PDCD2L: variants seen among roughly 807,000 people sequenced by gnomAD.
The protein encoded by PDCD2L is uS5 assembly chaperone PDCD2L.
PDCD2L carries 44 observed loss-of-function variants against 40.4 expected under a neutral mutation model. That is an observed-to-expected ratio of 1.09 (90% CI 0.86 to 1.40). The LOEUF (loss-of-function observed/expected upper bound fraction) is 1.40, where lower values mean the gene tolerates loss of function less well. Among genes scored for constraint, PDCD2L ranks in the 40% most tolerant of loss-of-function variants. PDCD2L has a pLI of 0.00. For synonymous variants in PDCD2L, 194 were observed against 174.6 expected, an observed-to-expected ratio of 1.11 and a Z score of -0.88; for missense variants, 470 against 453.7, an observed-to-expected ratio of 1.04 and a Z score of -0.33.
At chr19:34,418,622 T>A (rs2075135960) in intron 5 of PDCD2L, among the ~76,000 whole-genome samples, 1 of 152,138 alleles carries the variant, frequency 6.6e-6, no homozygotes, top group Non-Finnish European at 1.5e-5. Context: ...GTTCTGATTT[T>A]GGGGGGGTAG....
In PDCD2L at chr19:34,409,327, A is replaced by G; in HGVS notation, c.503A>G (p.Gln168Arg). 1 of 1,614,096 alleles carries G rather than the reference A, an allele frequency of 6.2e-7. No homozygotes were observed. Among genetic ancestry groups the G allele is most frequent in the South Asian group, 1.1e-5 (1 of 91,066 alleles). Reference sequence around the variant, plus strand: ...GCTCGGCTCCAAGACCTCCGCCTGCAGGATGCTGTCCTGGGTGCTGCCCAT... The same window carrying G: ...GCTCGGCTCCAAGACCTCCGCCTGCGGGATGCTGTCCTGGGTGCTGCCCAT... ...WTARLQDLRL[Q>R]DAVLGAAHPV... Residue 168 changes from glutamine to arginine, a missense_variant, in exon 4 of 7, where the codon CAG becomes CGG. Coordinates refer to ENST00000246535, the MANE Select transcript of PDCD2L (RefSeq NM_032346.2).
chr19:34,419,534 A>C (rs1377361670), intron 5 of PDCD2L, among the ~76,000 whole-genome samples: 1 of 146,776 alleles, frequency 6.8e-6, no homozygotes. Context: ...GTGTCTCACT[A>C]TGTGGCCTAG....
chr19:34,404,961 G>T lies in PDCD2L; in HGVS notation c.307G>T (p.Val103Leu). The stretch of plus-strand genomic sequence containing the variant: ...GGTGTTCCGCTCCCAGTGCCTGCAG[G>T]TGCCAGAGAGAGAGGCGCAGGACGC... ...WKVFRSQCLQ[V>L]PEREAQDAQK... is the part of the protein sequence containing the mutation. Residue 103 changes from valine to leucine, a missense_variant, in exon 3 of 7, where the codon GTG (valine) becomes TTG (leucine). Transcript: ENST00000246535. The T allele has an allele frequency of 6.2e-7, 1 of 1,614,188 alleles. No homozygotes were observed. The highest frequency in any genetic ancestry group is 1.1e-5 in the South Asian group (1 of 91,082).
Position 34,404,414 on chromosome 19 carries a change from C to T in PDCD2L, c.-17C>T. On this transcript the variant is annotated 5_prime_UTR_variant, in exon 1 of 7. Coordinates refer to ENST00000246535, the MANE Select transcript of PDCD2L (RefSeq NM_032346.2). ...AGGCCGCCGTAGTTTGCGTTTTCAC[C>T]TGGTCGCCCGGCGGCCATGGCGGCC... The T allele has an allele frequency of 6.5e-7, 1 of 1,538,810 alleles. No homozygotes were observed. The highest frequency in any genetic ancestry group is 8.7e-7 in the Non-Finnish European group (1 of 1,143,064).
At chr19:34,408,451 C>A (rs2075087005) in intron 3 of PDCD2L, among the ~76,000 whole-genome samples, 1 of 152,018 alleles carries the variant, frequency 6.6e-6, no homozygotes, top group South Asian at 2.1e-4. Flanking sequence ...CTGCCTCAGC[C>A]TCCTGAGTAG....
chr19:34,409,272 G>A lies in PDCD2L; in HGVS notation c.448G>A (p.Ala150Thr). Residue 150 changes from alanine (A) to threonine (T), a missense_variant, in exon 4 of 7, where the codon GCC (alanine) becomes ACC (threonine). Ala to Thr is a moderately conservative substitution (Grantham distance 58). Coordinates refer to ENST00000246535, the MANE Select transcript of PDCD2L (RefSeq NM_032346.2). Reference protein sequence around the residue: ...PQFTLDFGNDASSAKDVDWTA... With the variant: ...PQFTLDFGNDTSSAKDVDWTA... ...GTTTACCTTGGATTTTGGGAATGATGCCAGCAGTGCCAAAGACGTAGACTG... is the reference window on the plus strand; with the variant it reads ...GTTTACCTTGGATTTTGGGAATGATACCAGCAGTGCCAAAGACGTAGACTG... 1 of 1,614,144 alleles carries A rather than the reference G, an allele frequency of 6.2e-7. No homozygotes were observed.
rs751732124 is a variant in PDCD2L, at chr19:34,409,278, A to G, written c.454A>G (p.Ser152Gly). 3.7e-6 allele frequency: 6 copies of G among 1,614,198 alleles called. No homozygotes were observed. In the South Asian group the frequency reaches 5.5e-5, roughly 15 times the overall value. The change falls in exon 4 of 7, where the codon AGT becomes GGT. Residue 152 changes from serine to glycine, a missense_variant. Coordinates refer to ENST00000246535, the MANE Select transcript of PDCD2L (RefSeq NM_032346.2). The part of the protein sequence containing the change: ...FTLDFGNDAS[S>G]AKDVDWTARL... ...CTTGGATTTTGGGAATGATGCCAGC[A>G]GTGCCAAAGACGTAGACTGGACTGC...
At chr19:34,412,317 G>A (rs906401596) in intron 4 of PDCD2L, among the ~76,000 whole-genome samples, 7 of 151,960 alleles carry the variant, frequency 4.6e-5, no homozygotes, top group Non-Finnish European at 1.0e-4. Context: ...TGTGCCCTGC[G>A]ACTTTTTAAA....
chr19:34,415,735 G>C (rs1426462431), intron 5 of PDCD2L, among the ~76,000 whole-genome samples: 2 of 152,194 alleles, frequency 1.3e-5, no homozygotes, highest in East Asian at 3.8e-4. Flanking sequence ...CAAAGTGATA[G>C]CCCAGGATAT....
Position 34,409,151 on chromosome 19 carries a change from A to G in PDCD2L, c.337-10A>G, listed in dbSNP as rs1242662440. 6.2e-7 allele frequency: 1 copy of G among 1,605,870 alleles called. No homozygotes were observed. Among genetic ancestry groups the G allele is most frequent in the Non-Finnish European group, 8.5e-7 (1 of 1,173,484 alleles). On this transcript the variant is annotated splice_polypyrimidine_tract_variant and intron_variant, in intron 3 of 6. Coordinates refer to ENST00000246535, the MANE Select transcript of PDCD2L (RefSeq NM_032346.2). ...TGTGCTCGGACCTCATTCACTGAGT[A>G]TTTTTCCAGAAACAGGGAAACAGCC...
chr19:34,419,656 G>C (rs559433275), intron 5 of PDCD2L, among the ~76,000 whole-genome samples: 1 of 150,958 alleles, frequency 6.6e-6, no homozygotes, highest in Non-Finnish European at 1.5e-5. Context: ...ATTTGGTGGG[G>C]TTTTTTTGTT....
chr19:34,404,413 C>G lies in PDCD2L; in HGVS notation c.-18C>G. ...GAGGCCGCCGTAGTTTGCGTTTTCA[C>G]CTGGTCGCCCGGCGGCCATGGCGGC... On this transcript the variant is annotated 5_prime_UTR_variant, in exon 1 of 7. Transcript: ENST00000246535. The G allele has an allele frequency of 6.5e-7, 1 of 1,538,578 alleles. No individual in the cohort carries two copies. Among genetic ancestry groups the G allele is most frequent in the Non-Finnish European group, 8.7e-7 (1 of 1,142,954 alleles).
At chr19:34,417,802 C>T (rs966602046) in intron 5 of PDCD2L, among the ~76,000 whole-genome samples, 8 of 151,990 alleles carry the variant, frequency 5.3e-5, no homozygotes, top group African/African-American at 1.7e-4. Context: ...AAATAGAGAA[C>T]GCAATAGATG....
At chr19:34,416,402 A>T (rs1351023845) in intron 5 of PDCD2L, among the ~76,000 whole-genome samples, 1 of 152,182 alleles carries the variant, frequency 6.6e-6, no homozygotes, top group Non-Finnish European at 1.5e-5. Context: ...TCCATGAGTC[A>T]GAGCAATGAT....
intron 3 of PDCD2L, among the ~76,000 whole-genome samples, chr19:34,405,634 C>T (rs2075071104): frequency 6.6e-6 from 1 of 151,334 alleles, no homozygotes; most frequent in South Asian, 2.1e-4. Context: ...GGCGCGGTGG[C>T]TTACGCCTGT....
At chr19:34,408,422 C>T (rs1276742462) in intron 3 of PDCD2L, among the ~76,000 whole-genome samples, 1 of 151,416 alleles carries the variant, frequency 6.6e-6, no homozygotes, top group Non-Finnish European at 1.5e-5. Context: ...CCTCCGCCTC[C>T]CGGGTTCAAG....
chr19:34,405,830 C>T (rs1360527679), intron 3 of PDCD2L, among the ~76,000 whole-genome samples: 3 of 151,868 alleles, frequency 2.0e-5, no homozygotes, highest in African/African-American at 4.8e-5. Context: ...CGCTTGAACC[C>T]GGGAGACAGA....
rs377475901 is a variant in PDCD2L, at chr19:34,409,317, C to T, written c.493C>T (p.Leu165Phe). ...DVDWTARLQDLRLQDAVLGAA... is the reference protein window; with the variant it reads ...DVDWTARLQDFRLQDAVLGAA... ...AGACTGGACTGCTCGGCTCCAAGAC[C>T]TCCGCCTGCAGGATGCTGTCCTGGG... The change falls in exon 4 of 7, where the codon CTC (leucine) becomes TTC (phenylalanine). Residue 165 changes from leucine (L) to phenylalanine (F), a missense_variant. By Grantham distance (22) the Leu-to-Phe change is conservative. Coordinates refer to ENST00000246535, the MANE Select transcript of PDCD2L (RefSeq NM_032346.2). The T allele has an allele frequency of 3.9e-5, 63 of 1,614,022 alleles. No individual in the cohort carries two copies. In the East Asian group the frequency reaches 1.3e-3, roughly 34 times the overall value.
chr19:34,426,033 G>A lies in PDCD2L; in HGVS notation c.990G>A (p.Glu330=), dbSNP rs1010753782. Residue 330 remains glutamate (E), a synonymous_variant, in exon 7 of 7, where the codon GAG becomes GAA. Transcript: ENST00000246535. ...EFGTILVYTC[E]KSCWPPNHQT... is the part of the protein sequence containing the mutation. ...GAACAATTCTAGTTTACACATGTGA[G>A]AAGAGTTGCTGGCCCCCAAATCATC... 1.9e-6 allele frequency: 3 copies of A among 1,613,394 alleles called. No individual in the cohort carries two copies. Among genetic ancestry groups the A allele is most frequent in the Non-Finnish European group, 2.5e-6 (3 of 1,179,396 alleles).
Sources: gnomAD v4.1 joint callset for allele counts (sites outside exome capture counted in the v4.1 genomes callset) on GRCh38, gnomAD v4.1.1 for gene constraint, MANE v1.5 for transcripts, NCBI Gene and HGNC (gene_info 2026-07-23, HGNC 2026-07-21) for gene names.